The following GPD2 variants were observed in gnomAD, a reference collection of about 807,000 sequenced individuals.
GPD2 encodes the protein glycerol-3-phosphate dehydrogenase 2, also known as glycerol-3-phosphate dehydrogenase, mitochondrial.
A neutral mutation model predicts 82.4 loss-of-function variants in GPD2; 54 were observed. That is an observed-to-expected ratio of 0.66 (90% confidence interval 0.53 to 0.82). The LOEUF (loss-of-function observed/expected upper bound fraction) is 0.82, where lower values mean the gene tolerates loss of function less well. GPD2 is among the 40% of genes least tolerant of loss of function. The pLI, the probability that GPD2 is intolerant of heterozygous loss-of-function variation, is 0.00. For synonymous variants in GPD2, 288 were observed against 306.1 expected, an observed-to-expected ratio of 0.94 and a Z score of 0.62; for missense variants, 748 against 896.2, an observed-to-expected ratio of 0.83 and a Z score of 2.11.
At chr2:156,503,594 GAGAT>G (rs1684670539) in intron 3 of GPD2, among the ~76,000 whole-genome samples, 1 of 152,144 alleles carries the variant, frequency 6.6e-6, no homozygotes, top group Non-Finnish European at 1.5e-5. Context: ...TTATTGAAAA[GAGAT>G]AGATGTATAA....
intron 1 of GPD2, among the ~76,000 whole-genome samples, chr2:156,450,154 G>A (rs1682503378): frequency 6.6e-6 from 1 of 152,216 alleles, no homozygotes; most frequent in Non-Finnish European, 1.5e-5. Flanking sequence ...TTGAGAGCTG[G>A]TCCACTTACT....
chr2:156,453,194 T>C (rs920414574), intron 1 of GPD2, among the ~76,000 whole-genome samples: 5 of 152,076 alleles, frequency 3.3e-5, no homozygotes, highest in African/African-American at 1.2e-4. Context: ...AGGCAGATAG[T>C]TGGGTTTAAC....
At chr2:156,416,418 G>A in the GPD2 span, among the ~76,000 whole-genome samples, 2 of 151,212 alleles carry the variant, frequency 1.3e-5, no homozygotes, top group Non-Finnish European at 2.9e-5. Context: ...TGGGATCACA[G>A]ATCATTGTAA....
chr2:156,496,274 C>A (rs1684375077), intron 3 of GPD2, 59 bp downstream of exon 3: 3 of 1,213,288 alleles, frequency 2.5e-6, no homozygotes, highest in Non-Finnish European at 3.6e-6. Flanking sequence ...GCAGGATGTG[C>A]AGGTTTGTTA....
At chr2:156,564,213 T>C (rs970464345) in intron 9 of GPD2, among the ~76,000 whole-genome samples, 2 of 152,130 alleles carry the variant, frequency 1.3e-5, no homozygotes, top group African/African-American at 4.8e-5. Context: ...GGGTCTAAGA[T>C]ATATTACTCT....
chr2:156,505,737 T>C (rs1364365460), intron 3 of GPD2, among the ~76,000 whole-genome samples: 2 of 152,182 alleles, frequency 1.3e-5, no homozygotes, highest in African/African-American at 4.8e-5. Flanking sequence ...TTTATGCCCT[T>C]CAGGCTTAAT....
chr2:156,436,048 C>T (rs994795196), upstream of GPD2, among the ~76,000 whole-genome samples: 1 of 152,194 alleles, frequency 6.6e-6, no homozygotes, highest in South Asian at 2.1e-4. Flanking sequence ...TTGCGTGTGG[C>T]GCTGCGCGAC....
chr2:156,540,868 G>T (rs1304071224), intron 6 of GPD2, among the ~76,000 whole-genome samples: 1 of 152,186 alleles, frequency 6.6e-6, no homozygotes, highest in Non-Finnish European at 1.5e-5. Flanking sequence ...AGAGATTAGA[G>T]GTTAGTTGTT....
At chr2:156,426,058 G>C in the GPD2 span, among the ~76,000 whole-genome samples, 1 of 151,904 alleles carries the variant, frequency 6.6e-6, no homozygotes, top group Non-Finnish European at 1.5e-5. Context: ...CGAGTAGCTG[G>C]GACTACAGGC....
intron 6 of GPD2, among the ~76,000 whole-genome samples, chr2:156,546,511 G>A (rs1686543297): frequency 6.6e-6 from 1 of 152,276 alleles, no homozygotes; most frequent in East Asian, 1.9e-4. Flanking sequence ...AGGGTAAGGG[G>A]TAAGGGGTAG....
chr2:156,462,760 C>A (rs953459949), intron 1 of GPD2, among the ~76,000 whole-genome samples: 9 of 152,148 alleles, frequency 5.9e-5, no homozygotes, highest in Non-Finnish European at 1.2e-4. Flanking sequence ...ACATTGAAAA[C>A]CAAGTGTTAA....
chr2:156,455,021 G>T (rs1289606642), intron 1 of GPD2, among the ~76,000 whole-genome samples: 1 of 152,052 alleles, frequency 6.6e-6, no homozygotes, highest in Non-Finnish European at 1.5e-5. Context: ...GTGTAACCCT[G>T]GGGGAGAGGG....
At chr2:156,478,941 G>A (rs1016652046) in intron 2 of GPD2, among the ~76,000 whole-genome samples, 2 of 152,146 alleles carry the variant, frequency 1.3e-5, no homozygotes, top group Admixed American at 6.5e-5. Context: ...ATTGACTTTG[G>A]TTCTGGCACA....
At chr2:156,517,621 A>G (rs1255188562) in intron 6 of GPD2, among the ~76,000 whole-genome samples, 1 of 152,252 alleles carries the variant, frequency 6.6e-6, no homozygotes, top group Non-Finnish European at 1.5e-5. Flanking sequence ...GTTATCAAGT[A>G]GAGAGTATGG....
chr2:156,416,802 A>G, the GPD2 span, among the ~76,000 whole-genome samples: 1 of 152,164 alleles, frequency 6.6e-6, no homozygotes. Flanking sequence ...AATAAATAAG[A>G]CAAAATATGT....
At chr2:156,579,669 C>T (rs1242631492) in intron 15 of GPD2, 21 bp from the exon 16 acceptor site, 1 of 1,089,792 alleles carries the variant, frequency 9.2e-7, no homozygotes, top group Non-Finnish European at 1.4e-6. Flanking sequence ...CTGTATTATT[C>T]TATGCTTTTC....
chr2:156,408,069 C>T, the GPD2 span, among the ~76,000 whole-genome samples: 291 of 151,470 alleles, frequency 1.9e-3, no homozygotes, highest in Non-Finnish European at 2.8e-3. Context: ...GATCCTCCCA[C>T]CTCAGCCTCC....
chr2:156,455,710 T>C (rs892540088), intron 1 of GPD2, among the ~76,000 whole-genome samples: 1 of 152,006 alleles, frequency 6.6e-6, no homozygotes, highest in African/African-American at 2.4e-5. Context: ...TCTCTTTCCT[T>C]CAGGGGTAAG....
At chr2:156,434,828 A>T (rs993129682), upstream of GPD2, among the ~76,000 whole-genome samples, 4 of 152,202 alleles carry the variant, frequency 2.6e-5, no homozygotes, top group Non-Finnish European at 5.9e-5. Context: ...CCAGCCCCAG[A>T]GTCTATGAAT....
Sources: allele counts gnomAD v4.1 joint callset (sites outside exome capture counted in the v4.1 genomes callset), GRCh38; gene constraint gnomAD v4.1.1; transcripts MANE v1.5; gene names NCBI Gene and HGNC (gene_info 2026-07-23, HGNC 2026-07-21).